Variants in CD80 observed in about 807,000 individuals in gnomAD.
CD80 encodes T-lymphocyte activation antigen CD80.
CD80 carries 13 observed loss-of-function variants against 27.1 expected under a neutral mutation model. That is an observed-to-expected ratio of 0.48 (90% CI 0.31 to 0.76). The LOEUF is 0.76. Among genes scored for constraint, CD80 ranks in the 30% least tolerant of loss-of-function variants. The pLI is 0.04. For synonymous variants in CD80, 125 were observed against 125.5 expected (o/e 1.00, Z 0.03); for missense variants, 277 against 347.9 (o/e 0.80, Z 1.62).
intron 5 of CD80, among the ~76,000 whole-genome samples, chr3:119,528,935 AG>A (rs1444767145): frequency 1.3e-5 from 2 of 148,198 alleles, no homozygotes; most frequent in Non-Finnish European, 3.0e-5. Flanking sequence ...AAAAAAAAAA[AG>A]AACTAAGAAT....
intron 6 of CD80, 119 bp from the exon 7 acceptor site, chr3:119,525,868 G>A (rs976013717): frequency 4.2e-5 from 6 of 141,886 alleles, no homozygotes; most frequent in African/African-American, 1.3e-4. Flanking sequence ...ATGTATATAT[G>A]TATATATAAT....
chr3:119,553,226 G>A (rs1188348013), intron 2 of CD80, among the ~76,000 whole-genome samples: 4 of 151,674 alleles, frequency 2.6e-5, no homozygotes, highest in African/African-American at 4.8e-5. Flanking sequence ...AGCAACCCCC[G>A]CCTCCAGGGT....
In CD80 at chr3:119,544,808, C is replaced by T; in HGVS notation, c.160G>A (p.Val54Ile). The T allele has an allele frequency of 6.2e-7, 1 of 1,614,196 alleles. No homozygotes were observed. The highest frequency in any genetic ancestry group is 8.5e-7 in the Non-Finnish European group (1 of 1,180,032). The change falls in exon 3 of 7, where the codon GTT (valine) becomes ATT (isoleucine). Residue 54 changes from valine (V) to isoleucine (I), a missense_variant. Physicochemically the swap from Val to Ile is conservative, Grantham distance 29. Transcript: ENST00000264246. ...EVATLSCGHNVSVEELAQTRI... is the reference protein window; with the variant it reads ...EVATLSCGHNISVEELAQTRI... ...GTTTGTGCCAGCTCTTCAACAGAAA[C>T]ATTGTGACCACAGGACAGCGTTGCC... is the stretch of plus-strand genomic sequence containing the variant.
chr3:119,542,863 G>A (rs929619099), intron 3 of CD80, among the ~76,000 whole-genome samples: 4 of 152,164 alleles, frequency 2.6e-5, no homozygotes, highest in Non-Finnish European at 5.9e-5. Context: ...TCATAAAGCT[G>A]GATGCTATGA....
chr3:119,557,548 A>C, intron 2 of CD80, 81 bp downstream of exon 2: 1 of 864,902 alleles, frequency 1.2e-6, no homozygotes, highest in Non-Finnish European at 1.8e-6. Context: ...GGATAATAGA[A>C]GGGAGCAGCT....
At chr3:119,534,613 A>G (rs545373525) in intron 4 of CD80, among the ~76,000 whole-genome samples, 1 of 152,310 alleles carries the variant, frequency 6.6e-6, no homozygotes, top group Non-Finnish European at 1.5e-5. Flanking sequence ...AATAATGTCC[A>G]AATCAAAATG....
intron 4 of CD80, among the ~76,000 whole-genome samples, chr3:119,533,923 G>C (rs1279461839): frequency 6.6e-6 from 1 of 152,082 alleles, no homozygotes; most frequent in African/African-American, 2.4e-5. Context: ...TGCATTATTT[G>C]CTTTTGAATC....
chr3:119,545,942 A>G (rs1191194234), intron 2 of CD80, among the ~76,000 whole-genome samples: 1 of 152,234 alleles, frequency 6.6e-6, no homozygotes, highest in Non-Finnish European at 1.5e-5. Context: ...AGTGTTTTCT[A>G]TAGCAGTTGC....
chr3:119,537,274 G>C lies in CD80; in HGVS notation c.563C>G (p.Thr188Arg), dbSNP rs1435958439. The C allele has an allele frequency of 1.2e-6, 2 of 1,614,122 alleles. No individual in the cohort carries two copies. The highest frequency in any genetic ancestry group is 8.5e-7 in the Non-Finnish European group (1 of 1,179,998). ...NGEELNAINT[T>R]VSQDPETELY... ...CTCAGTTTCAGGATCTTGGGAAACT[G>C]TTGTGTTGATGGCATTTAATTCTTC... is the stretch of plus-strand genomic sequence containing the variant. Residue 188 changes from threonine to arginine, a missense_variant, in exon 4 of 7, where the codon ACA becomes AGA. Thr to Arg is a moderately conservative substitution (Grantham distance 71, BLOSUM62 -1). Transcript: ENST00000264246.
chr3:119,544,430 C>T, intron 3 of CD80, 120 bp downstream of exon 3: 1 of 777,062 alleles, frequency 1.3e-6, no homozygotes, highest in Non-Finnish European at 2.1e-6. Context: ...GACTTAACTC[C>T]AAGAAATGAA....
intron 2 of CD80, among the ~76,000 whole-genome samples, chr3:119,547,677 C>T (rs2082209149): frequency 2.0e-5 from 3 of 152,168 alleles, no homozygotes; most frequent in Admixed American, 2.0e-4. Context: ...TCCAGACATC[C>T]ACTGTGTGAT....
At chr3:119,528,345 G>C (rs558669092) in intron 5 of CD80, among the ~76,000 whole-genome samples, 1 of 152,214 alleles carries the variant, frequency 6.6e-6, no homozygotes, top group Non-Finnish European at 1.5e-5. Context: ...AAAATCAGCA[G>C]ATGTTGATCT....
chr3:119,527,559 A>T, intron 6 of CD80, 174 bp downstream of exon 6: 1 of 505,226 alleles, frequency 2.0e-6, no homozygotes, highest in Non-Finnish European at 3.5e-6. Context: ...CATTAAGCAA[A>T]TTGCATATGG....
chr3:119,528,434 T>C (rs1403791952), intron 5 of CD80, among the ~76,000 whole-genome samples: 2 of 152,188 alleles, frequency 1.3e-5, no homozygotes, highest in East Asian at 3.9e-4. Context: ...ATGGCCTTAT[T>C]TCGGACCATA....
chr3:119,545,727 A>G (rs1471371992), intron 2 of CD80, among the ~76,000 whole-genome samples: 1 of 151,496 alleles, frequency 6.6e-6, no homozygotes, highest in Non-Finnish European at 1.5e-5. Context: ...AATGAATAAT[A>G]TTACACACAC....
intron 6 of CD80, 128 bp downstream of exon 6, chr3:119,527,605 G>T: frequency 1.7e-6 from 1 of 575,590 alleles, no homozygotes; most frequent in Non-Finnish European, 3.1e-6. Context: ...TCTTGTAACT[G>T]TTCAGCTTAA....
intron 5 of CD80, 93 bp downstream of exon 5, chr3:119,529,749 G>T (rs562806378): frequency 1.2e-6 from 1 of 823,496 alleles, no homozygotes; most frequent in Non-Finnish European, 2.0e-6. Flanking sequence ...CATGAGAAGC[G>T]AATAGGCTAA....
At chr3:119,551,521 C>T (rs2082231785) in intron 2 of CD80, among the ~76,000 whole-genome samples, 1 of 152,132 alleles carries the variant, frequency 6.6e-6, no homozygotes. Context: ...GCTCTCCTGC[C>T]TTTCTATCCT....
chr3:119,551,102 C>T (rs1237391522), intron 2 of CD80, among the ~76,000 whole-genome samples: 1 of 152,160 alleles, frequency 6.6e-6, no homozygotes, highest in Non-Finnish European at 1.5e-5. Flanking sequence ...TGTTCACTGC[C>T]ATATCTGCAG....
Sources: allele counts gnomAD v4.1 joint callset (sites outside exome capture counted in the v4.1 genomes callset), GRCh38; gene constraint gnomAD v4.1.1; transcripts MANE v1.5; gene names NCBI Gene and HGNC (gene_info 2026-07-23, HGNC 2026-07-21).